SCN2A: variants seen among roughly 807,000 people sequenced by gnomAD.
SCN2A encodes sodium voltage-gated channel alpha subunit 2.
SCN2A carries 20 observed loss-of-function variants against 188.7 expected under a neutral mutation model. The ratio of observed to expected loss-of-function variants is 0.11; its 90% confidence interval spans 0.07 to 0.15. SCN2A has a LOEUF of 0.15. Among genes scored for constraint, SCN2A ranks in the 10% least tolerant of loss-of-function variants. SCN2A has a pLI of 1.00. For synonymous variants in SCN2A, 804 were observed against 833.1 expected (o/e 0.97, Z 0.60); for missense variants, 1,278 against 2,445.0 (o/e 0.52, Z 10.07).
intron 1 of SCN2A, among the ~76,000 whole-genome samples, chr2:165,263,100 T>A (rs1188410708): frequency 6.6e-6 from 1 of 152,196 alleles, no homozygotes; most frequent in Non-Finnish European, 1.5e-5. Context: ...TTTGTTTTTT[T>A]CTGGCTGATT....
intron 1 of SCN2A, among the ~76,000 whole-genome samples, chr2:165,261,730 GTTT>G (rs1694604502): frequency 6.6e-6 from 1 of 151,992 alleles, no homozygotes; most frequent in African/African-American, 2.4e-5. Flanking sequence ...GCTTCCCATT[GTTT>G]TAGTCACTCT....
intron 1 of SCN2A, among the ~76,000 whole-genome samples, chr2:165,259,049 A>G (rs1694456776): frequency 6.6e-6 from 1 of 152,202 alleles, no homozygotes; most frequent in Non-Finnish European, 1.5e-5. Flanking sequence ...TACCTATATA[A>G]CAAACCTTCA....
intron 17 of SCN2A, among the ~76,000 whole-genome samples, chr2:165,358,887 T>C (rs11676422): frequency 0.077 from 11,712 of 152,136 alleles, 561 homozygotes; most frequent in Middle Eastern, 0.25. Context: ...ATGGGATCCA[T>C]TAGTCGACCT....
chr2:165,294,040 A>AAAAAAAAATATT (rs780674346), intron 1 of SCN2A: 1 of 563,912 alleles, frequency 1.8e-6, no homozygotes, highest in Non-Finnish European at 2.1e-6. Flanking sequence ...AAAAAAAAAG[A>AAAAAAAAATATT]TTTTTTTTTT....
intron 16 of SCN2A, among the ~76,000 whole-genome samples, chr2:165,350,226 A>G (rs1437524340): frequency 6.6e-6 from 1 of 152,260 alleles, no homozygotes; most frequent in Non-Finnish European, 1.5e-5. Context: ...AATAGCACAC[A>G]GGAGGGATGT....
chr2:165,248,231 C>T (rs1693936478), intron 1 of SCN2A, among the ~76,000 whole-genome samples: 1 of 152,184 alleles, frequency 6.6e-6, no homozygotes, highest in Non-Finnish European at 1.5e-5. Context: ...GCTCAAAATT[C>T]TGCAAGTGAT....
At chr2:165,350,874 A>G (rs982414977) in intron 16 of SCN2A, among the ~76,000 whole-genome samples, 1 of 152,110 alleles carries the variant, frequency 6.6e-6, no homozygotes, top group Non-Finnish European at 1.5e-5. Context: ...GAATAACTTG[A>G]CTCACACAAA....
intron 25 of SCN2A, among the ~76,000 whole-genome samples, chr2:165,386,031 A>T (rs760167690): frequency 6.6e-6 from 1 of 152,238 alleles, no homozygotes; most frequent in Non-Finnish European, 1.5e-5. Context: ...ATTTGAATAC[A>T]GTTGAATATA....
At position 165,386,931 on chromosome 2, in the gene SCN2A, G is replaced by A; in HGVS notation, c.4737G>A (p.Val1579=). 6.2e-7 allele frequency: 1 copy of A among 1,613,888 alleles called. No individual in the cohort carries two copies. Among genetic ancestry groups the A allele is most frequent in the African/African-American group, 1.3e-5 (1 of 75,036 alleles). Residue 1579 remains valine (V), a synonymous_variant, in exon 26 of 27, where the codon GTG becomes GTA. Coordinates refer to ENST00000375437, the MANE Select transcript of SCN2A (RefSeq NM_001040142.2). ...VFIVLFTGEC[V]LKLISLRYYY... ...TTGTTCTGTTCACTGGAGAATGTGT[G>A]CTGAAACTGATCTCTCTTCGTTACT...
rs140137535 is a variant in SCN2A, at chr2:165,259,931, A to ATT, written c.-52+20315_-52+20316dup. The stretch of plus-strand genomic sequence containing the variant: ...ATGGCACCTGTAGCCCTAAAAATGG[A>ATT]TTTTTTTTTTTTTTTTTTTTTTTTT... On this transcript the variant is annotated intron_variant, in intron 1 of 26. Transcript: ENST00000375437. 4.2e-3 allele frequency among the ~76,000 whole-genome samples: 376 copies of ATT among 89,432 alleles called. 3 individuals are homozygous for ATT. Among genetic ancestry groups the ATT allele is most frequent in the African/African-American group, 8.6e-3 (185 of 21,538 alleles). 58.7% of individuals were successfully genotyped at this position (89,432 alleles called of 152,430 possible).
intron 16 of SCN2A, among the ~76,000 whole-genome samples, chr2:165,351,252 C>T (rs1216599611): frequency 2.6e-5 from 4 of 151,934 alleles, no homozygotes; most frequent in South Asian, 4.2e-4. Context: ...TTAATAAACG[C>T]GGTTTCAAAA....
At chr2:165,253,476 A>G (rs1282348478) in intron 1 of SCN2A, among the ~76,000 whole-genome samples, 1 of 152,150 alleles carries the variant, frequency 6.6e-6, no homozygotes, top group Admixed American at 6.6e-5. Flanking sequence ...ATAATACTTC[A>G]TGACATGTAA....
chr2:165,323,098 G>C (rs1324329375), intron 11 of SCN2A, 58 bp from the exon 12 acceptor site: 25 of 1,495,718 alleles, frequency 1.7e-5, no homozygotes, highest in Non-Finnish European at 2.2e-5. Context: ...CTGTTTTTCA[G>C]AATGCCAGCT....
chr2:165,390,675 C>T lies in SCN2A; in HGVS notation c.*851C>T, dbSNP rs1429346569. ...ACACACATGCACACACAGAGATATACACATACCATTACATTGTCATTCACA... is the reference window on the plus strand; with the variant it reads ...ACACACATGCACACACAGAGATATATACATACCATTACATTGTCATTCACA... On this transcript the variant is annotated 3_prime_UTR_variant, in exon 27 of 27. Coordinates refer to ENST00000375437, the MANE Select transcript of SCN2A (RefSeq NM_001040142.2). The T allele has an allele frequency of 6.6e-6, 1 of 152,270 alleles. No individual in the cohort carries two copies. The highest frequency in any genetic ancestry group is 2.4e-5 in the African/African-American group (1 of 41,346). 9.4% of individuals were successfully genotyped at this position (152,270 alleles called of 1,614,324 possible).
intron 16 of SCN2A, among the ~76,000 whole-genome samples, chr2:165,348,356 T>G (rs2105325814): frequency 8.7e-6 from 1 of 114,290 alleles, no homozygotes. Flanking sequence ...GAGACTCTGT[T>G]GCAAAAAAAA....
Position 165,390,677 on chromosome 2 carries a change from C to CA in SCN2A, c.*854dup, listed in dbSNP as rs1702092213. Reference sequence around the variant, plus strand: ...ACACATGCACACACAGAGATATACACATACCATTACATTGTCATTCACAGT... The same window carrying CA: ...ACACATGCACACACAGAGATATACACAATACCATTACATTGTCATTCACAGT... On this transcript the variant is annotated 3_prime_UTR_variant, in exon 27 of 27. Coordinates refer to ENST00000375437, the MANE Select transcript of SCN2A (RefSeq NM_001040142.2). 1 of 152,356 alleles carries CA rather than the reference C, an allele frequency of 6.6e-6. No individual in the cohort carries two copies. The highest frequency in any genetic ancestry group is 6.6e-5 in the Admixed American group (1 of 15,240). The allele number at this position is 152,356 out of a possible 1,614,324, so 9.4% of individuals were successfully genotyped here.
chr2:165,362,910 T>C (rs1700537882), intron 17 of SCN2A, among the ~76,000 whole-genome samples: 1 of 151,994 alleles, frequency 6.6e-6, no homozygotes, highest in South Asian at 2.1e-4. Context: ...TGGGGAGACT[T>C]TATGAAAGCA....
Position 165,326,045 on chromosome 2 carries a change from C to A in SCN2A, c.2017-807C>A, listed in dbSNP as rs148699490. On this transcript the variant is annotated intron_variant, in intron 12 of 26. Coordinates refer to ENST00000375437, the MANE Select transcript of SCN2A (RefSeq NM_001040142.2). ...AATTTATTATTAACACTCAGACCTG[C>A]ATTTGAAATTCTTTAGCTTTACCTT... Among the ~76,000 whole-genome samples the A allele has an allele frequency of 1.9e-3, 283 of 152,242 alleles. 3 individuals are homozygous for A. The East Asian group carries it at 0.032, about 17-fold the overall frequency.
chr2:165,352,066 A>C (rs991040431), intron 16 of SCN2A, among the ~76,000 whole-genome samples: 3 of 152,126 alleles, frequency 2.0e-5, no homozygotes, highest in Admixed American at 6.5e-5. Flanking sequence ...ATGTGTATCA[A>C]GAAAAATTTC....
Sources: gnomAD v4.1 joint callset for allele counts (sites outside exome capture counted in the v4.1 genomes callset) on GRCh38, gnomAD v4.1.1 for gene constraint, MANE v1.5 for transcripts, NCBI Gene and HGNC (gene_info 2026-07-23, HGNC 2026-07-21) for gene names.